Variants in MYH10 observed in about 807,000 individuals in gnomAD.
The protein encoded by MYH10 is myosin heavy chain 10, also known as myosin-10.
MYH10 carries 55 observed loss-of-function variants against 257.8 expected under a neutral mutation model. That is an observed-to-expected ratio of 0.21 (90% CI 0.17 to 0.27). The LOEUF is 0.27. Ranked by LOEUF, MYH10 falls within the 10% of genes least tolerant of loss-of-function variation. The pLI, the probability that MYH10 is intolerant of heterozygous loss-of-function variation, is 1.00. For synonymous variants in MYH10, 854 were observed against 921.7 expected (o/e 0.93, Z 1.33); for missense variants, 1,631 against 2,500.6 (o/e 0.65, Z 7.42).
At chr17:8,497,208 T>C (rs1192802101) in intron 30 of MYH10, among the ~76,000 whole-genome samples, 2 of 152,222 alleles carry the variant, frequency 1.3e-5, no homozygotes, top group African/African-American at 4.8e-5. Flanking sequence ...CCTAGAGTCC[T>C]GGAGAATCAT....
chr17:8,532,639 G>A (rs1225526558), intron 16 of MYH10, among the ~76,000 whole-genome samples: 3 of 152,144 alleles, frequency 2.0e-5, no homozygotes, highest in African/African-American at 7.2e-5. Flanking sequence ...ATCTGGGGCT[G>A]GTGAGACCTT....
At chr17:8,592,816 G>GAAAAA (rs67151329) in intron 3 of MYH10, among the ~76,000 whole-genome samples, 27 of 30,420 alleles carry the variant, frequency 8.9e-4, no homozygotes, top group African/African-American at 1.3e-3. Context: ...AATGAAATCA[G>GAAAAA]AAAAAAAAAA....
At chr17:8,565,743 A>C (rs1305438748) in intron 7 of MYH10, among the ~76,000 whole-genome samples, 1 of 152,214 alleles carries the variant, frequency 6.6e-6, no homozygotes, top group Non-Finnish European at 1.5e-5. Context: ...ATTTGGATTC[A>C]ATGGCTAATT....
In MYH10 at chr17:8,528,481, A is replaced by C. The variant is rs60656264; in HGVS notation, c.1957+2142T>G. ...CTCCATATTTGCCTCTAGGAATCCT[A>C]TTCTCCCCTGTTCCTTTCTCTTCTG... On this transcript the variant is annotated intron_variant, in intron 17 of 42. Coordinates refer to ENST00000360416, the MANE Select transcript of MYH10 (RefSeq NM_001256012.3). Among the ~76,000 whole-genome samples the C allele has an allele frequency of 8.2e-4, 125 of 152,126 alleles. 1 individual carries two copies. In the East Asian group the frequency reaches 0.023, roughly 28 times the overall value.
chr17:8,607,578 A>C (rs935557410), intron 2 of MYH10, among the ~76,000 whole-genome samples: 4 of 152,266 alleles, frequency 2.6e-5, no homozygotes, highest in African/African-American at 9.6e-5. Flanking sequence ...AATTAGCACA[A>C]GTATTGAGCT....
Position 8,478,404 on chromosome 17 carries a change from C to T in MYH10, c.5640G>A (p.Lys1880=). The T allele has an allele frequency of 1.2e-6, 2 of 1,614,260 alleles. No homozygotes were observed. The highest frequency in any genetic ancestry group is 1.1e-5 in the South Asian group (1 of 91,086). ...AANKLVRRTE[K]KLKEIFMQVE... The stretch of plus-strand genomic sequence containing the variant: ...CCTGCATGAAGATTTCTTTCAGCTT[C>T]TTCTCAGTGCGACGGACTAATTTGT... Residue 1880 remains lysine, a synonymous_variant, in exon 41 of 43, where the codon AAG becomes AAA. Coordinates refer to ENST00000360416, the MANE Select transcript of MYH10 (RefSeq NM_001256012.3).
intron 19 of MYH10, 137 bp downstream of exon 19, chr17:8,520,741 C>T: frequency 1.1e-6 from 1 of 921,292 alleles, no homozygotes; most frequent in East Asian, 2.9e-5. Context: ...TTTTCCAGAA[C>T]CTCACTATAT....
chr17:8,560,795 G>C (rs555950600), intron 7 of MYH10: 1 of 597,116 alleles, frequency 1.7e-6, no homozygotes, highest in East Asian at 4.3e-5. Flanking sequence ...GACACAAATG[G>C]TTCCCAGTTT....
chr17:8,626,727 G>T (rs1002151332), intron 1 of MYH10, among the ~76,000 whole-genome samples: 1 of 151,848 alleles, frequency 6.6e-6, no homozygotes, highest in Non-Finnish European at 1.5e-5. Flanking sequence ...CAGAAGGGTA[G>T]AATCTATTAA....
At position 8,629,401 on chromosome 17, in the gene MYH10, G is replaced by A. The variant is rs549270805; in HGVS notation, c.-32+1253C>T. On this transcript the variant is annotated intron_variant, in intron 1 of 42. Transcript: ENST00000360416. ...AGTGATCTTGAAGGGAGCTGCAGAG[G>A]CCCTAAAGAAACAGAGATAACGGCT... Among the ~76,000 whole-genome samples, 5 of 143,104 alleles carry A rather than the reference G, an allele frequency of 3.5e-5. No homozygotes were observed. The East Asian group carries it at 9.0e-4, about 26-fold the overall frequency. The allele number at this position is 143,104 out of a possible 152,430, so 93.9% of individuals were successfully genotyped here. A position where few individuals can be genotyped will look rare whatever the true frequency, so the allele number is the denominator to read the frequency against.
intron 2 of MYH10, among the ~76,000 whole-genome samples, chr17:8,606,479 G>A (rs1212394426): frequency 6.6e-6 from 1 of 152,142 alleles, no homozygotes; most frequent in African/African-American, 2.4e-5. Flanking sequence ...GTACTGTATG[G>A]CCAGCTTCCC....
At chr17:8,487,622 G>T (rs1217210888) in intron 35 of MYH10, 28 bp from the exon 36 acceptor site, 1 of 1,613,402 alleles carries the variant, frequency 6.2e-7, no homozygotes, top group East Asian at 2.2e-5. Flanking sequence ...GTTATGCTGG[G>T]TTACATCCAA....
chr17:8,543,714 C>T (rs2082363607), intron 13 of MYH10, among the ~76,000 whole-genome samples: 1 of 152,166 alleles, frequency 6.6e-6, no homozygotes, highest in Non-Finnish European at 1.5e-5. Flanking sequence ...CCTCGTGATC[C>T]ACCTGCCTCG....
intron 42 of MYH10, 64 bp from the exon 43 acceptor site, chr17:8,476,012 T>G: frequency 6.5e-7 from 1 of 1,542,042 alleles, no homozygotes; most frequent in Non-Finnish European, 8.8e-7. Context: ...TGTCAATATG[T>G]TCAACCACTC....
chr17:8,492,854 C>T lies in MYH10; in HGVS notation c.4380G>A (p.Leu1460=), dbSNP rs771738686. ...GGTCCAGGTCCACCGTGAGGTCGTC[C>T]AGCTCCTGCTGCAGGCGGTTCTTGG... is the stretch of plus-strand genomic sequence containing the variant. The part of the protein sequence containing the change: ...EKTKNRLQQE[L]DDLTVDLDHQ... Residue 1460 remains leucine (L), a synonymous_variant, in exon 33 of 43, where the codon CTG becomes CTA. Coordinates refer to ENST00000360416, the MANE Select transcript of MYH10 (RefSeq NM_001256012.3). The T allele has an allele frequency of 6.2e-7, 1 of 1,614,112 alleles. No homozygotes were observed. The highest frequency in any genetic ancestry group is 8.5e-7 in the Non-Finnish European group (1 of 1,180,016).
intron 5 of MYH10, 113 bp from the exon 6 acceptor site, chr17:8,576,785 G>A (rs1172269892): frequency 1.1e-6 from 1 of 934,320 alleles, no homozygotes; most frequent in African/African-American, 1.6e-5. Context: ...TGGAAGCTGG[G>A]TTGGCTGGCG....
chr17:8,610,739 G>T (rs139624917), intron 2 of MYH10, among the ~76,000 whole-genome samples: 14 of 152,136 alleles, frequency 9.2e-5, no homozygotes, highest in Non-Finnish European at 1.8e-4. Flanking sequence ...CCGCAAGAAG[G>T]CCCCACCAGA....
chr17:8,492,763 G>A lies in MYH10; in HGVS notation c.4458+13C>T, dbSNP rs770673377. 28 of 1,611,096 alleles carry A rather than the reference G, an allele frequency of 1.7e-5. No homozygotes were observed. In the South Asian group the frequency reaches 2.2e-4, roughly 13 times the overall value. On this transcript the variant is annotated intron_variant, in intron 33 of 42. Coordinates refer to ENST00000360416, the MANE Select transcript of MYH10 (RefSeq NM_001256012.3). ...GAGCTCTGCCAGGAGGAAACGACAC[G>A]TGGCCGACCCACCTGGTCAAACTTC...
chr17:8,498,638 G>A (rs566059527), intron 30 of MYH10, among the ~76,000 whole-genome samples: 3 of 152,096 alleles, frequency 2.0e-5, no homozygotes, highest in African/African-American at 7.2e-5. Flanking sequence ...ACGAGGTCAG[G>A]AGATTGAGAC....
Sources: gnomAD v4.1 joint callset for allele counts (sites outside exome capture counted in the v4.1 genomes callset) on GRCh38, gnomAD v4.1.1 for gene constraint, MANE v1.5 for transcripts, NCBI Gene and HGNC (gene_info 2026-07-23, HGNC 2026-07-21) for gene names.